Variants in FSHR observed in about 807,000 individuals in gnomAD.
The protein encoded by FSHR is follicle stimulating hormone receptor.
FSHR carries 46 observed loss-of-function variants against 52.1 expected under a neutral mutation model. The ratio of observed to expected loss-of-function variants is 0.88; its 90% CI spans 0.70 to 1.13. FSHR has a LOEUF of 1.13. FSHR is among the 50% of genes most tolerant of loss of function. The pLI is 0.00. For synonymous variants in FSHR, 399 were observed against 309.6 expected, an observed-to-expected ratio of 1.29 and a Z score of -3.03; for missense variants, 964 against 834.6, an observed-to-expected ratio of 1.16 and a Z score of -1.91.
At chr2:49,153,534 T>C (rs529361835) in intron 1 of FSHR, among the ~76,000 whole-genome samples, 1 of 152,276 alleles carries the variant, frequency 6.6e-6, no homozygotes, top group South Asian at 2.1e-4. Flanking sequence ...CTCTTTACTC[T>C]TCAGACACCA....
chr2:49,079,828 C>T (rs1055970671), intron 1 of FSHR, among the ~76,000 whole-genome samples: 11 of 151,840 alleles, frequency 7.2e-5, no homozygotes, highest in Middle Eastern at 3.4e-3. Flanking sequence ...AAAAAACACA[C>T]AAAAATCCCG....
chr2:49,064,127 A>G (rs1406472236), intron 2 of FSHR, among the ~76,000 whole-genome samples: 1 of 151,810 alleles, frequency 6.6e-6, no homozygotes, highest in Non-Finnish European at 1.5e-5. Context: ...AGATGACATA[A>G]TCAGTTATGA....
rs140482135 is a variant in FSHR at position 49,001,220 on chromosome 2, T to G, written c.375-10583A>C. Among the ~76,000 whole-genome samples, 751 of 152,242 alleles carry G rather than the reference T, an allele frequency of 4.9e-3. 6 individuals are homozygous for G. Among genetic ancestry groups the G allele is most frequent in the Non-Finnish European group, 7.6e-3 (517 of 68,002 alleles). ...AAATGCCTTGCCTGTATTAAAGTCA[T>G]TTAACGCTGCCCATAACCCTATGAA... On this transcript the variant is annotated intron_variant, in intron 4 of 9. Coordinates refer to ENST00000406846, the MANE Select transcript of FSHR (RefSeq NM_000145.4).
chr2:49,061,763 ACTATATAT>A (rs1669311982), intron 2 of FSHR, among the ~76,000 whole-genome samples: 1 of 136,088 alleles, frequency 7.3e-6, no homozygotes, highest in South Asian at 2.3e-4. Context: ...TTTATATATA[ACTATATAT>A]AACTCTATAT....
At chr2:49,136,183 T>C (rs1672481640) in intron 1 of FSHR, among the ~76,000 whole-genome samples, 1 of 152,090 alleles carries the variant, frequency 6.6e-6, no homozygotes, top group African/African-American at 2.4e-5. Context: ...CAAGATATGG[T>C]ATTACTACTC....
intron 1 of FSHR, among the ~76,000 whole-genome samples, chr2:49,098,882 ATATAT>A (rs1670924381): frequency 6.8e-6 from 1 of 146,800 alleles, no homozygotes; most frequent in African/African-American, 2.5e-5. Context: ...TATATTATCC[ATATAT>A]TATACTTATA....
chr2:49,116,284 G>T (rs1043095007), intron 1 of FSHR, among the ~76,000 whole-genome samples: 6 of 152,150 alleles, frequency 3.9e-5, no homozygotes, highest in African/African-American at 1.4e-4. Flanking sequence ...TCAAACTTGA[G>T]TGTCTGAAGT....
intron 1 of FSHR, among the ~76,000 whole-genome samples, chr2:49,128,153 T>C (rs887637477): frequency 4.0e-5 from 6 of 151,846 alleles, no homozygotes; most frequent in African/African-American, 1.5e-4. Context: ...AGTGCTAGGA[T>C]TGCAGGCATG....
At chr2:49,054,930 G>GT (rs1328212915) in intron 2 of FSHR, among the ~76,000 whole-genome samples, 1 of 152,096 alleles carries the variant, frequency 6.6e-6, no homozygotes, top group Non-Finnish European at 1.5e-5. Context: ...ACAGGTGACT[G>GT]TTTGACCAGA....
chr2:49,066,248 G>A (rs926236090), intron 2 of FSHR, among the ~76,000 whole-genome samples: 2 of 151,974 alleles, frequency 1.3e-5, no homozygotes, highest in Non-Finnish European at 2.9e-5. Context: ...GGTGAAAGTT[G>A]GTCACATGTG....
At chr2:48,972,281 C>G (rs1265586439) in intron 8 of FSHR, among the ~76,000 whole-genome samples, 1 of 152,188 alleles carries the variant, frequency 6.6e-6, no homozygotes, top group Non-Finnish European at 1.5e-5. Flanking sequence ...CATCTGGAAT[C>G]TAATTACTTC....
Position 48,983,307 on chromosome 2 carries a change from G to A in FSHR, c.525-141C>T, listed in dbSNP as rs1471756240. 13 of 736,198 alleles carry A rather than the reference G, an allele frequency of 1.8e-5. No individual in the cohort carries two copies. In the Middle Eastern group the frequency reaches 1.4e-3, roughly 80 times the overall value. The allele number at this position is 736,198 out of a possible 1,614,324, so 45.6% of individuals were successfully genotyped here. A position where few individuals can be genotyped will look rare whatever the true frequency, so the allele number is the denominator to read the frequency against. On this transcript the variant is annotated intron_variant, in intron 6 of 9. Coordinates refer to ENST00000406846, the MANE Select transcript of FSHR (RefSeq NM_000145.4). ...TGCCACTTTTAAAGCTTGGGGACAC[G>A]GGTGGGAGGAAGACTGATTTATTGC...
chr2:49,044,914 T>A (rs1346105141), intron 2 of FSHR, among the ~76,000 whole-genome samples: 1 of 152,176 alleles, frequency 6.6e-6, no homozygotes, highest in Non-Finnish European at 1.5e-5. Flanking sequence ...AATGGGCTCC[T>A]GAAACAGTTG....
intron 4 of FSHR, among the ~76,000 whole-genome samples, chr2:48,998,168 G>A (rs1283111662): frequency 6.6e-6 from 1 of 151,720 alleles, no homozygotes; most frequent in Non-Finnish European, 1.5e-5. Flanking sequence ...AATTTGTTGA[G>A]TTTTTCTTTG....
At chr2:49,007,822 T>G (rs1437321216) in intron 4 of FSHR, among the ~76,000 whole-genome samples, 1 of 152,062 alleles carries the variant, frequency 6.6e-6, no homozygotes, top group Non-Finnish European at 1.5e-5. Context: ...TTACAATCAG[T>G]ATCTCATTTA....
intron 1 of FSHR, among the ~76,000 whole-genome samples, chr2:49,120,306 A>G (rs1457864067): frequency 6.6e-6 from 1 of 152,126 alleles, no homozygotes; most frequent in Non-Finnish European, 1.5e-5. Flanking sequence ...AACTGTTGCA[A>G]CCTTATGCTT....
At chr2:49,005,342 A>G (rs1667041673) in intron 4 of FSHR, among the ~76,000 whole-genome samples, 1 of 152,120 alleles carries the variant, frequency 6.6e-6, no homozygotes, top group Non-Finnish European at 1.5e-5. Context: ...ATTTTCCTAG[A>G]TTTGAAGATG....
chr2:49,153,207 A>G (rs994626788), intron 1 of FSHR, among the ~76,000 whole-genome samples: 10 of 152,258 alleles, frequency 6.6e-5, no homozygotes, highest in African/African-American at 2.2e-4. Context: ...GGTGAACTAA[A>G]GAGATGACCA....
intron 1 of FSHR, among the ~76,000 whole-genome samples, chr2:49,130,615 C>A (rs111579400): frequency 6.6e-6 from 1 of 152,190 alleles, no homozygotes; most frequent in Non-Finnish European, 1.5e-5. Flanking sequence ...CAGTTTCAGA[C>A]CTATGCTCCT....
Sources: allele counts gnomAD v4.1 joint callset (sites outside exome capture counted in the v4.1 genomes callset), GRCh38; gene constraint gnomAD v4.1.1; transcripts MANE v1.5; gene names NCBI Gene and HGNC (gene_info 2026-07-23, HGNC 2026-07-21).